The following CD164 variants were observed in gnomAD, a reference collection of about 807,000 sequenced individuals.
The protein encoded by CD164 is sialomucin core protein 24.
CD164 carries 11 observed loss-of-function variants against 24.6 expected under a neutral mutation model. The observed-to-expected ratio is 0.45, with a 90% CI of 0.28 to 0.74. The LOEUF (loss-of-function observed/expected upper bound fraction) is 0.74, where lower values mean the gene tolerates loss of function less well. Ranked by LOEUF, CD164 falls within the 30% of genes least tolerant of loss-of-function variation. The probability of loss-of-function intolerance (pLI) is 0.13; values close to 1 mark genes in which losing one functional copy is unlikely to be tolerated. For synonymous variants in CD164, 126 were observed against 100.3 expected, an observed-to-expected ratio of 1.26 and a Z score of -1.53; for missense variants, 295 against 243.7, an observed-to-expected ratio of 1.21 and a Z score of -1.40.
intron 1 of CD164, chr6:109,381,781 A>C (rs1343345792): frequency 1.4e-5 from 8 of 573,632 alleles, no homozygotes; most frequent in Admixed American, 3.2e-5. Context: ...GAGGGTGAAC[A>C]ACCAGTGGCA....
intron 4 of CD164, among the ~76,000 whole-genome samples, chr6:109,375,566 G>A (rs1469903705): frequency 1.4e-5 from 2 of 147,704 alleles, no homozygotes; most frequent in East Asian, 2.0e-4. Flanking sequence ...GCAGTGAACC[G>A]AGATCGTACC....
chr6:109,375,345 G>A lies in CD164; in HGVS notation c.370+729C>T, dbSNP rs546965781. 5.3e-5 allele frequency among the ~76,000 whole-genome samples: 8 copies of A among 152,116 alleles called. No homozygotes were observed. The South Asian group carries it at 1.0e-3, about 20-fold the overall frequency. ...AAGAGAGAAAATACAGGCTGGGCTC[G>A]GTGGCTCACACCTGTAATCCCGGCT... On this transcript the variant is annotated intron_variant, in intron 4 of 5. Coordinates refer to ENST00000310786, the MANE Select transcript of CD164 (RefSeq NM_006016.6).
At chr6:109,375,733 C>A (rs1012191347) in intron 4 of CD164, among the ~76,000 whole-genome samples, 8 of 151,876 alleles carry the variant, frequency 5.3e-5, no homozygotes, top group African/African-American at 1.9e-4. Flanking sequence ...AGAAATTAAT[C>A]ACTGAAAACA....
At chr6:109,374,140 T>C (rs754802691) in intron 4 of CD164, among the ~76,000 whole-genome samples, 23 of 152,162 alleles carry the variant, frequency 1.5e-4, no homozygotes, top group Admixed American at 1.0e-3. Context: ...GACATTACTG[T>C]TTCCTAGAGT....
In CD164 at chr6:109,382,413, A is replaced by T; in HGVS notation, c.-35T>A. On this transcript the variant is annotated 5_prime_UTR_variant, in exon 1 of 6. Transcript: ENST00000310786. ...AGCGCTGGCGTTCGGGAGAAAGCTA[A>T]GGCTCGCAACGCTCAGTCAACCCCT... The T allele has an allele frequency of 6.8e-7, 1 of 1,478,508 alleles. No individual in the cohort carries two copies. Among genetic ancestry groups the T allele is most frequent in the Non-Finnish European group, 9.0e-7 (1 of 1,111,644 alleles). 91.6% of individuals were successfully genotyped at this position (1,478,508 alleles called of 1,614,324 possible). A position where few individuals can be genotyped will look rare whatever the true frequency, so the allele number is the denominator to read the frequency against.
chr6:109,373,744 A>T (rs1210772243), intron 4 of CD164, among the ~76,000 whole-genome samples: 1 of 152,176 alleles, frequency 6.6e-6, no homozygotes, highest in Non-Finnish European at 1.5e-5. Flanking sequence ...CTACTTAGTC[A>T]ATGTCTTCTA....
At position 109,370,429 on chromosome 6, in the gene CD164, T is replaced by C; in HGVS notation, c.409A>G (p.Lys137Glu). The C allele has an allele frequency of 1.2e-6, 2 of 1,613,216 alleles. No homozygotes were observed. Among genetic ancestry groups the C allele is most frequent in the East Asian group, 2.2e-5 (1 of 44,842 alleles). Reference protein sequence around the residue: ...TVQPSPSTTSKTVTTSGTTNN... With the variant: ...TVQPSPSTTSETVTTSGTTNN... ...CAATTACCTGATGTAGTAACTGTCTTGGAAGTTGTAGAAGGGGAGGGCTGA... is the reference window on the plus strand; with the variant it reads ...CAATTACCTGATGTAGTAACTGTCTCGGAAGTTGTAGAAGGGGAGGGCTGA... The change falls in exon 5 of 6, where the codon AAG becomes GAG. Residue 137 changes from lysine to glutamate, a missense_variant. Transcript: ENST00000310786.
rs1255689632 is a variant in CD164 at position 109,382,004 on chromosome 6, T to TC, written c.175+199dup. 2.9e-5 allele frequency: 12 copies of TC among 407,054 alleles called. No homozygotes were observed. In the East Asian group the frequency reaches 3.3e-4, roughly 11 times the overall value. 25.2% of individuals were successfully genotyped at this position (407,054 alleles called of 1,614,324 possible). A position where few individuals can be genotyped will look rare whatever the true frequency, so the allele number is the denominator to read the frequency against. On this transcript the variant is annotated intron_variant, in intron 1 of 5. Transcript: ENST00000310786. The stretch of plus-strand genomic sequence containing the variant: ...AGCCACTGGGAACCGCGCGTCCGCT[T>TC]CCCCCCAGCGCGCTCCCCACCCGGC...
At chr6:109,373,083 C>T (rs966160595) in intron 4 of CD164, among the ~76,000 whole-genome samples, 9 of 151,730 alleles carry the variant, frequency 5.9e-5, no homozygotes, top group Non-Finnish European at 8.8e-5. Context: ...ATAAAAGTTG[C>T]TATTAGTGGT....
intron 2 of CD164, 139 bp downstream of exon 2, chr6:109,379,440 G>A: frequency 1.8e-6 from 1 of 565,144 alleles, no homozygotes; most frequent in Non-Finnish European, 3.1e-6. Context: ...GAGGCAACTG[G>A]CACTTTAAAG....
At chr6:109,378,523 A>G (rs1180991355) in intron 2 of CD164, among the ~76,000 whole-genome samples, 4 of 152,214 alleles carry the variant, frequency 2.6e-5, no homozygotes, top group Admixed American at 1.3e-4. Flanking sequence ...GAGGCACCCC[A>G]TAACACTGTA....
intron 1 of CD164, chr6:109,381,609 G>T (rs1337144840): frequency 2.8e-6 from 2 of 702,276 alleles, no homozygotes; most frequent in African/African-American, 1.7e-5. Flanking sequence ...CTAACTACGT[G>T]CTCAAACGTC....
At chr6:109,380,414 C>T (rs1682090794) in intron 1 of CD164, 1 of 152,192 alleles carries the variant, frequency 6.6e-6, no homozygotes, top group Non-Finnish European at 1.5e-5. Context: ...AAGAATTGGG[C>T]TCCATTCATT....
chr6:109,368,299 T>C lies in CD164; in HGVS notation c.*552A>G, dbSNP rs370187841. 4.1e-5 allele frequency: 63 copies of C among 1,543,424 alleles called. No individual in the cohort carries two copies. In the East Asian group the frequency reaches 4.9e-4, roughly 12 times the overall value. On this transcript the variant is annotated 3_prime_UTR_variant, in exon 6 of 6. Transcript: ENST00000310786. The stretch of plus-strand genomic sequence containing the variant: ...TCCTTTCATTTCTTTAAATCTGGAA[T>C]GTAGTTCCTTGTGTGGCATCTTATT...
intron 3 of CD164, 144 bp downstream of exon 3, chr6:109,377,756 T>C: frequency 1.6e-6 from 1 of 637,552 alleles, no homozygotes; most frequent in South Asian, 1.9e-5. Flanking sequence ...TCAATCAATA[T>C]GAATATACTA....
chr6:109,370,320 C>T, intron 5 of CD164, 91 bp downstream of exon 5: 8 of 1,047,162 alleles, frequency 7.6e-6, no homozygotes, highest in South Asian at 2.7e-5. Flanking sequence ...TAACCATTAA[C>T]GAAGAAAGCT....
chr6:109,380,834 T>C (rs1203362683), intron 1 of CD164, among the ~76,000 whole-genome samples: 2 of 152,208 alleles, frequency 1.3e-5, no homozygotes, highest in Non-Finnish European at 2.9e-5. Context: ...AAGGAAACTG[T>C]CAAATTAAGA....
rs1402176093 is a variant in CD164 at position 109,373,052 on chromosome 6, A to AAAT, written c.371-2588_371-2586dup. On this transcript the variant is annotated intron_variant, in intron 4 of 5. Coordinates refer to ENST00000310786, the MANE Select transcript of CD164 (RefSeq NM_006016.6). ...AGATTCATTAGGAAAGGTTAAAAAA[A>AAAT]AATAATAATAATCATAAGTTATAAA... Among the ~76,000 whole-genome samples the AAAT allele has an allele frequency of 2.0e-5, 3 of 152,338 alleles. No individual in the cohort carries two copies. The East Asian group carries it at 5.8e-4, about 29-fold the overall frequency.
intron 3 of CD164, among the ~76,000 whole-genome samples, chr6:109,377,505 C>A (rs1356884430): frequency 6.6e-6 from 1 of 152,126 alleles, no homozygotes; most frequent in African/African-American, 2.4e-5. Context: ...CATTTAACCA[C>A]AGCACCAACT....
Sources: allele counts gnomAD v4.1 joint callset (sites outside exome capture counted in the v4.1 genomes callset), GRCh38; gene constraint gnomAD v4.1.1; transcripts MANE v1.5; gene names NCBI Gene and HGNC (gene_info 2026-07-23, HGNC 2026-07-21).